ZNF43: variants seen among roughly 807,000 people sequenced by gnomAD.
ZNF43 encodes the protein zinc finger protein 43.
A neutral mutation model predicts 68.4 loss-of-function variants in ZNF43; 44 were observed. The observed-to-expected ratio is 0.64, with a 90% CI of 0.51 to 0.83. The LOEUF (loss-of-function observed/expected upper bound fraction) is 0.83. Ranked by LOEUF, ZNF43 falls within the 40% of genes least tolerant of loss-of-function variation. ZNF43 has a pLI of 0.00. For missense variants in ZNF43, 896 were observed against 933.2 expected (o/e 0.96, Z 0.52); for synonymous variants, 308 against 307.8 (o/e 1.00, Z -0.01).
At position 21,808,848 on chromosome 19, in the gene ZNF43, G is replaced by A. The variant is rs1347834242; in HGVS notation, c.1189C>T (p.Pro397Ser). The A allele has an allele frequency of 3.7e-6, 6 of 1,613,370 alleles. No homozygotes were observed. The South Asian group carries it at 4.4e-5, about 12-fold the overall frequency. ...TTGCCACATTCTTCACATTTGTAGG[G>A]TTTCTTTTCAGTATGAATTTTCTTA... is the stretch of plus-strand genomic sequence containing the variant. The part of the protein sequence containing the change: ...KHKKIHTEKK[P>S]YKCEECGKAF... Residue 397 changes from proline to serine, a missense_variant, in exon 4 of 4, where the codon CCC (proline) becomes TCC (serine). Pro to Ser is a moderately conservative substitution (Grantham distance 74). Transcript: ENST00000354959.
chr19:21,850,873 T>C (rs1278137572), intron 1 of ZNF43: 1 of 140,076 alleles, frequency 7.1e-6, no homozygotes, highest in East Asian at 2.0e-4. Context: ...ACAATCTCCA[T>C]CTGTGGGCTG....
rs1308527808 is a variant in ZNF43, at chr19:21,805,740, A to G, written c.*1867T>C. On this transcript the variant is annotated 3_prime_UTR_variant, in exon 4 of 4. Coordinates refer to ENST00000354959, the MANE Select transcript of ZNF43 (RefSeq NM_003423.4). ...GTAAGTTTAAATAAGACAAAAAAGA[A>G]TATTTAACCTATAGAAAAATATTCT... is the stretch of plus-strand genomic sequence containing the variant. 1.3e-5 allele frequency: 2 copies of G among 152,202 alleles called. No homozygotes were observed. Among genetic ancestry groups the G allele is most frequent in the African/African-American group, 4.8e-5 (2 of 41,458 alleles). The allele number at this position is 152,202 out of a possible 1,614,324, so 9.4% of individuals were successfully genotyped here.
At chr19:21,824,731 C>A (rs2038024976) in intron 1 of ZNF43, among the ~76,000 whole-genome samples, 2 of 89,368 alleles carry the variant, frequency 2.2e-5, no homozygotes, top group African/African-American at 5.8e-5. Context: ...ATATGTTTAC[C>A]TAAAAAAAAA....
chr19:21,849,219 TG>T (rs1486553233), intron 1 of ZNF43, among the ~76,000 whole-genome samples: 67 of 152,292 alleles, frequency 4.4e-4, no homozygotes, highest in African/African-American at 1.5e-3. Flanking sequence ...CTGGGCACGG[TG>T]GCTGGCGCCT....
chr19:21,850,104 A>G (rs1264497795), intron 1 of ZNF43: 2 of 152,248 alleles, frequency 1.3e-5, no homozygotes, highest in African/African-American at 4.8e-5. Context: ...GAGCCCAGCA[A>G]TGGATAACAA....
At chr19:21,850,210 GGA>G (rs1420888803) in intron 1 of ZNF43, among the ~76,000 whole-genome samples, 1 of 152,178 alleles carries the variant, frequency 6.6e-6, no homozygotes, top group Admixed American at 6.5e-5. Context: ...AGGCAAAAAT[GGA>G]GAGTCACTCT....
At chr19:21,840,110 A>C (rs534673646), upstream of ZNF43, 4 of 152,332 alleles carry the variant, frequency 2.6e-5, no homozygotes, top group Non-Finnish European at 5.9e-5. Flanking sequence ...TGGATGTTGC[A>C]CATAGCAATG....
In ZNF43 at chr19:21,842,128, T is replaced by C. The variant is rs145136204; in HGVS notation, c.30+9777A>G. Among the ~76,000 whole-genome samples, 336 of 152,122 alleles carry C rather than the reference T, an allele frequency of 2.2e-3. 1 individual carries two copies. Among genetic ancestry groups the C allele is most frequent in the African/African-American group, 7.5e-3 (313 of 41,538 alleles). ...AGGCCCAGTGAAAAATCACAATCCCTGGCCAGGCATGGTGGCTCACACCTG... is the reference window on the plus strand; with the variant it reads ...AGGCCCAGTGAAAAATCACAATCCCCGGCCAGGCATGGTGGCTCACACCTG... On this transcript the variant is annotated intron_variant, in intron 1 of 3. Coordinates refer to the ZNF43 transcript ENST00000357491.
intron 1 of ZNF43, among the ~76,000 whole-genome samples, chr19:21,844,312 G>A (rs1469469655): frequency 1.5e-5 from 2 of 129,160 alleles, no homozygotes; most frequent in Non-Finnish European, 3.1e-5. Context: ...TCGTGCCACT[G>A]TACTCCAGCC....
At chr19:21,828,232 A>C (rs2038229641) in intron 1 of ZNF43, among the ~76,000 whole-genome samples, 1 of 152,204 alleles carries the variant, frequency 6.6e-6, no homozygotes, top group African/African-American at 2.4e-5. Flanking sequence ...ATTGTTTGTA[A>C]CCATATTTCA....
At chr19:21,836,305 T>C (rs997903988), upstream of ZNF43, 8 of 1,202,822 alleles carry the variant, frequency 6.7e-6, no homozygotes, top group East Asian at 2.4e-4. Context: ...AAACCCTGAA[T>C]GAAAGATGTG....
At chr19:21,814,147 A>G (rs1235661565) in intron 3 of ZNF43, among the ~76,000 whole-genome samples, 1 of 152,178 alleles carries the variant, frequency 6.6e-6, no homozygotes, top group Non-Finnish European at 1.5e-5. Flanking sequence ...ACAAAAAAAT[A>G]CAGCATTATA....
chr19:21,812,700 C>T (rs1405889408), intron 3 of ZNF43, among the ~76,000 whole-genome samples: 1 of 152,050 alleles, frequency 6.6e-6, no homozygotes, highest in African/African-American at 2.4e-5. Context: ...TCTTTAAACC[C>T]AGTGCTTTGG....
At position 21,806,767 on chromosome 19, in the gene ZNF43, GTGT is replaced by G. The variant is rs1007030152; in HGVS notation, c.*837_*839del. On this transcript the variant is annotated 3_prime_UTR_variant, in exon 4 of 4. Transcript: ENST00000354959. ...TAATTTATCCACCAAGTTTTATTTTGTGTTGTTTTCTGTACTTAGCACTGATTT... is the reference window on the plus strand; with the variant it reads ...TAATTTATCCACCAAGTTTTATTTTGTGTTTTCTGTACTTAGCACTGATTT... The G allele has an allele frequency of 4.6e-5, 7 of 151,978 alleles. No individual in the cohort carries two copies. The highest frequency in any genetic ancestry group is 7.4e-5 in the Non-Finnish European group (5 of 67,968). 9.4% of individuals were successfully genotyped at this position (151,978 alleles called of 1,614,324 possible). A position where few individuals can be genotyped will look rare whatever the true frequency, so the allele number is the denominator to read the frequency against.
chr19:21,844,922 A>ATG (rs1967835971), intron 1 of ZNF43, among the ~76,000 whole-genome samples: 1 of 37,322 alleles, frequency 2.7e-5, no homozygotes, highest in Non-Finnish European at 5.2e-5. Flanking sequence ...AAAAAAAAAA[A>ATG]TATATATATA....
At position 21,844,921 on chromosome 19, in the gene ZNF43, A is replaced by AATATATATATAT. The variant is rs1181354510; in HGVS notation, c.30+6972_30+6983dup. Reference sequence around the variant, plus strand: ...CAAAAAAAAAAAAAAAAAAAAAAAAAATATATATATATATATATATATATA... The same window carrying AATATATATATAT: ...CAAAAAAAAAAAAAAAAAAAAAAAAAATATATATATATATATATATATATATATATATATATA... On this transcript the variant is annotated intron_variant, in intron 1 of 3. Coordinates refer to the ZNF43 transcript ENST00000357491. 6.7e-3 allele frequency among the ~76,000 whole-genome samples: 173 copies of AATATATATATAT among 26,006 alleles called. 2 individuals carry two copies. The highest frequency in any genetic ancestry group is 0.015 in the African/African-American group (67 of 4,572). The allele number at this position is 26,006 out of a possible 152,430, so 17.1% of individuals were successfully genotyped here. A position where few individuals can be genotyped will look rare whatever the true frequency, so the allele number is the denominator to read the frequency against.
chr19:21,844,891 C>T lies in ZNF43; in HGVS notation c.30+7014G>A, dbSNP rs1247548694. Reference sequence around the variant, plus strand: ...CAGCCTGGGCGACAGAGCAAGATTCCGTCTCAAAAAAAAAAAAAAAAAAAA... The same window carrying T: ...CAGCCTGGGCGACAGAGCAAGATTCTGTCTCAAAAAAAAAAAAAAAAAAAA... On this transcript the variant is annotated intron_variant, in intron 1 of 3. Transcript: ENST00000357491. 1.5e-4 allele frequency among the ~76,000 whole-genome samples: 9 copies of T among 59,970 alleles called. No individual in the cohort carries two copies. In the South Asian group the frequency reaches 3.0e-3, roughly 20 times the overall value. 39.3% of individuals were successfully genotyped at this position (59,970 alleles called of 152,430 possible). A position where few individuals can be genotyped will look rare whatever the true frequency, so the allele number is the denominator to read the frequency against.
chr19:21,850,248 T>C (rs1229706405), intron 1 of ZNF43, among the ~76,000 whole-genome samples: 1 of 152,180 alleles, frequency 6.6e-6, no homozygotes, highest in Non-Finnish European at 1.5e-5. Flanking sequence ...CAGAGATATG[T>C]CACAAGGCCC....
rs1208307606 is a variant in ZNF43 at position 21,807,449 on chromosome 19, T to C, written c.*158A>G. 1 of 686,348 alleles carries C rather than the reference T, an allele frequency of 1.5e-6. No individual in the cohort carries two copies. The highest frequency in any genetic ancestry group is 2.3e-6 in the Non-Finnish European group (1 of 443,988). The allele number at this position is 686,348 out of a possible 1,614,324, so 42.5% of individuals were successfully genotyped here. A position where few individuals can be genotyped will look rare whatever the true frequency, so the allele number is the denominator to read the frequency against. On this transcript the variant is annotated 3_prime_UTR_variant, in exon 4 of 4. Coordinates refer to ENST00000354959, the MANE Select transcript of ZNF43 (RefSeq NM_003423.4). The stretch of plus-strand genomic sequence containing the variant: ...TTTTCCAAGTAAAAATTCTTTCCTG[T>C]GCAATAAGGTACGAGCATTAATTAA...
Sources: allele counts gnomAD v4.1 joint callset (sites outside exome capture counted in the v4.1 genomes callset), GRCh38; gene constraint gnomAD v4.1.1; transcripts MANE v1.5; gene names NCBI Gene and HGNC (gene_info 2026-07-23, HGNC 2026-07-21).